The following ALDH9A1 variants were observed in gnomAD, a reference collection of about 807,000 sequenced individuals.
ALDH9A1 encodes the protein 4-trimethylaminobutyraldehyde dehydrogenase.
Under a neutral mutation model 56.6 loss-of-function variants are expected in ALDH9A1, and 42 were observed. The observed-to-expected ratio is 0.74, with a 90% CI of 0.58 to 0.96. ALDH9A1 has a LOEUF of 0.96. ALDH9A1 is among the 40% of genes least tolerant of loss of function. ALDH9A1 has a pLI of 0.00. For missense variants in ALDH9A1, 661 were observed against 651.5 expected (o/e 1.01, Z -0.16); for synonymous variants, 242 against 236.0 (o/e 1.03, Z -0.23).
intron 6 of ALDH9A1, among the ~76,000 whole-genome samples, chr1:165,674,726 T>A (rs1404536688): frequency 1.3e-5 from 2 of 151,412 alleles, no homozygotes; most frequent in African/African-American, 4.9e-5. Context: ...AACCATCCTA[T>A]GATTCAGCAA....
In ALDH9A1 at chr1:165,662,969, T is replaced by G; in HGVS notation, c.*81A>C. On this transcript the variant is annotated 3_prime_UTR_variant, in exon 11 of 11. Transcript: ENST00000354775. ...CAAAATTCTGGATGTAAAATAACAT[T>G]CAGTTGTACTGCCTCTGTAAACAGG... 8.2e-7 allele frequency: 1 copy of G among 1,223,504 alleles called. No individual in the cohort carries two copies. Among genetic ancestry groups the G allele is most frequent in the Non-Finnish European group, 1.2e-6 (1 of 827,092 alleles). 75.8% of individuals were successfully genotyped at this position (1,223,504 alleles called of 1,614,324 possible).
In ALDH9A1 at chr1:165,669,282, C is replaced by A; in HGVS notation, c.1099G>T (p.Val367Phe). The A allele has an allele frequency of 6.2e-7, 1 of 1,605,182 alleles. No individual in the cohort carries two copies. Among genetic ancestry groups the A allele is most frequent in the Non-Finnish European group, 8.5e-7 (1 of 1,176,980 alleles). ...RPHLERVLGF[V>F]KVAKEQGAKV... Reference sequence around the variant, plus strand: ...CTTACCTGCTCCTTTGCCACTTTGACAAACCCAAGGACTCGCTCCAGGTGT... The same window carrying A: ...CTTACCTGCTCCTTTGCCACTTTGAAAAACCCAAGGACTCGCTCCAGGTGT... The change falls in exon 7 of 11, where the codon GTC (valine) becomes TTC (phenylalanine). Residue 367 changes from valine (V) to phenylalanine (F), a missense_variant. Coordinates refer to ENST00000354775, the MANE Select transcript of ALDH9A1 (RefSeq NM_000696.4).
chr1:165,667,180 A>T (rs575455649), intron 9 of ALDH9A1, 129 bp downstream of exon 9: 10 of 1,279,624 alleles, frequency 7.8e-6, no homozygotes, highest in Non-Finnish European at 1.1e-5. Context: ...CTTAACCTGA[A>T]GCAAACAGAA....
intron 1 of ALDH9A1, chr1:165,698,175 G>T (rs41267568): frequency 0.097 from 128,433 of 1,326,488 alleles, 6,705 homozygotes; most frequent in African/African-American, 0.18. Context: ...CATCAGCTTT[G>T]CTTTTCCTCC....
chr1:165,663,236 C>T (rs186824868), intron 10 of ALDH9A1, 92 bp from the exon 11 acceptor site: 20 of 1,039,176 alleles, frequency 1.9e-5, no homozygotes, highest in Admixed American at 1.6e-4. Context: ...CTAATCAGGG[C>T]TAGGGAAGAA....
In ALDH9A1 at chr1:165,682,164, C is replaced by A; in HGVS notation, c.535G>T (p.Ala179Ser). The change falls in exon 4 of 11, where the codon GCA becomes TCA. Residue 179 changes from alanine to serine, a missense_variant. Coordinates refer to ENST00000354775, the MANE Select transcript of ALDH9A1 (RefSeq NM_000696.4). ...GCAATCTGAAAGGGGTAGTTCCATG[C>A]TCCTATTCCCACACATACCCCAAGT... ...EPLGVCVGIG[A>S]WNYPFQIASW... 6.2e-7 allele frequency: 1 copy of A among 1,614,094 alleles called. No homozygotes were observed. The highest frequency in any genetic ancestry group is 1.1e-5 in the South Asian group (1 of 91,082).
At chr1:165,684,187 G>A (rs886862085) in intron 2 of ALDH9A1, among the ~76,000 whole-genome samples, 1 of 152,136 alleles carries the variant, frequency 6.6e-6, no homozygotes, top group African/African-American at 2.4e-5. Context: ...AAGGCCAGAG[G>A]TATAAAGTGC....
intron 6 of ALDH9A1, among the ~76,000 whole-genome samples, chr1:165,673,401 A>G (rs1015797763): frequency 4.6e-5 from 7 of 152,156 alleles, no homozygotes; most frequent in African/African-American, 1.7e-4. Flanking sequence ...GCCATTCTTT[A>G]TTCCTTTACT....
chr1:165,696,060 C>A (rs562096801), intron 1 of ALDH9A1, among the ~76,000 whole-genome samples: 13 of 152,226 alleles, frequency 8.5e-5, no homozygotes, highest in Middle Eastern at 6.8e-3. Context: ...TCATGTTGGC[C>A]AGGCTGGTCT....
At chr1:165,678,997 T>G (rs2101745859) in intron 6 of ALDH9A1, among the ~76,000 whole-genome samples, 1 of 152,340 alleles carries the variant, frequency 6.6e-6, no homozygotes, top group South Asian at 2.1e-4. Context: ...TTGTTCTATT[T>G]TACTATGAGG....
Position 165,669,365 on chromosome 1 carries a change from A to G in ALDH9A1, c.1016T>C (p.Ile339Thr), listed in dbSNP as rs1001401297. 6.2e-7 allele frequency: 1 copy of G among 1,614,040 alleles called. No individual in the cohort carries two copies. Among genetic ancestry groups the G allele is most frequent in the Admixed American group, 1.7e-5 (1 of 60,012 alleles). ...TTCCAGAAGGGGATCTCCAATTTTAATCCTTTGGGTCTGTTTCACCACTTC... is the reference window on the plus strand; with the variant it reads ...TTCCAGAAGGGGATCTCCAATTTTAGTCCTTTGGGTCTGTTTCACCACTTC... Reference protein sequence around the residue: ...TEEVVKQTQRIKIGDPLLEDT... With the variant: ...TEEVVKQTQRTKIGDPLLEDT... Residue 339 changes from isoleucine to threonine, a missense_variant, in exon 7 of 11, where the codon ATT (isoleucine) becomes ACT (threonine). Coordinates refer to ENST00000354775, the MANE Select transcript of ALDH9A1 (RefSeq NM_000696.4).
At chr1:165,675,855 TA>T (rs1558005791) in intron 6 of ALDH9A1, among the ~76,000 whole-genome samples, 1 of 152,134 alleles carries the variant, frequency 6.6e-6, no homozygotes, top group African/African-American at 2.4e-5. Context: ...AAAACAACTG[TA>T]AAAAAATTCT....
chr1:165,669,433 T>A lies in ALDH9A1; in HGVS notation c.948A>T (p.Thr316=), dbSNP rs777581387. 1 of 1,612,880 alleles carries A rather than the reference T, an allele frequency of 6.2e-7. No individual in the cohort carries two copies. Among genetic ancestry groups the A allele is most frequent in the Non-Finnish European group, 8.5e-7 (1 of 1,179,478 alleles). Residue 316 remains threonine (T), a synonymous_variant, in exon 7 of 11, where the codon ACA becomes ACT. Coordinates refer to ENST00000354775, the MANE Select transcript of ALDH9A1 (RefSeq NM_000696.4). The part of the protein sequence containing the change: ...LTQGQVCCNG[T]RVFVQKEILD... The stretch of plus-strand genomic sequence containing the variant: ...GAATTTCTTTCTGCACAAATACTCT[T>A]GTGCCATTACAGCAAACCTAAAGGA...
chr1:165,698,349 C>A, intron 1 of ALDH9A1, 29 bp downstream of exon 1: 1 of 1,573,284 alleles, frequency 6.4e-7, no homozygotes, highest in Non-Finnish European at 8.6e-7. Flanking sequence ...CCCCAGGGCG[C>A]CCCAGCCTCC....
rs1230456171 is a variant in ALDH9A1 at position 165,662,235 on chromosome 1, TA to T, written c.*814del. On this transcript the variant is annotated 3_prime_UTR_variant, in exon 11 of 11. Transcript: ENST00000354775. ...TAGGAAAACAATTAACAGTGTGATT[TA>T]TTTTAATTTCACCATATTACATTAG... 1 of 152,262 alleles carries T rather than the reference TA, an allele frequency of 6.6e-6. No homozygotes were observed. The highest frequency in any genetic ancestry group is 1.5e-5 in the Non-Finnish European group (1 of 68,048). 9.4% of individuals were successfully genotyped at this position (152,262 alleles called of 1,614,324 possible).
intron 6 of ALDH9A1, among the ~76,000 whole-genome samples, chr1:165,678,791 A>T (rs1302993507): frequency 2.0e-5 from 3 of 152,226 alleles, no homozygotes; most frequent in African/African-American, 7.2e-5. Context: ...CATAATATGA[A>T]TCTAACAGAA....
chr1:165,687,149 G>A (rs879649238), intron 2 of ALDH9A1, among the ~76,000 whole-genome samples: 10 of 152,088 alleles, frequency 6.6e-5, no homozygotes, highest in South Asian at 4.2e-4. Flanking sequence ...CAGGGGGTGG[G>A]AGGGAAGGCT....
chr1:165,686,498 G>C (rs1649711850), intron 2 of ALDH9A1, among the ~76,000 whole-genome samples: 1 of 134,618 alleles, frequency 7.4e-6, no homozygotes. Flanking sequence ...GACTACCCAA[G>C]AAGAAAATGT....
intron 1 of ALDH9A1, among the ~76,000 whole-genome samples, chr1:165,696,341 A>C (rs1043207034): frequency 1.3e-5 from 2 of 152,204 alleles, no homozygotes; most frequent in Non-Finnish European, 2.9e-5. Flanking sequence ...GAGTTTACTA[A>C]CATTAACTTC....
Sources: allele counts gnomAD v4.1 joint callset (sites outside exome capture counted in the v4.1 genomes callset), GRCh38; gene constraint gnomAD v4.1.1; transcripts MANE v1.5; gene names NCBI Gene and HGNC (gene_info 2026-07-23, HGNC 2026-07-21).